The following GALNT13 variants were observed in gnomAD, a reference collection of about 807,000 sequenced individuals.
The protein encoded by GALNT13 is polypeptide N-acetylgalactosaminyltransferase 13.
A neutral mutation model predicts 64.2 loss-of-function variants in GALNT13; 28 were observed. The ratio of observed to expected loss-of-function variants is 0.44; its 90% CI spans 0.32 to 0.60. The LOEUF (loss-of-function observed/expected upper bound fraction) is 0.60, where lower values mean the gene tolerates loss of function less well. Ranked by LOEUF, GALNT13 falls within the 20% of genes least tolerant of loss-of-function variation. The pLI is 0.05. For missense variants in GALNT13, 577 were observed against 669.8 expected (o/e 0.86, Z 1.53); for synonymous variants, 214 against 224.6 (o/e 0.95, Z 0.42).
At chr2:153,243,408 C>A in the GALNT13 span, among the ~76,000 whole-genome samples, 2 of 152,028 alleles carry the variant, frequency 1.3e-5, no homozygotes, top group Non-Finnish European at 2.9e-5. Context: ...ATGCTGAAAG[C>A]AGTCAGACCT....
At chr2:153,431,780 T>C in the GALNT13 span, among the ~76,000 whole-genome samples, 1 of 152,194 alleles carries the variant, frequency 6.6e-6, no homozygotes, top group Non-Finnish European at 1.5e-5. Flanking sequence ...CTAATATATT[T>C]CACACAGAAT....
rs191533672 is a variant in GALNT13 at position 154,009,256 on chromosome 2, G to T, written c.142+64617G>T. Among the ~76,000 whole-genome samples, 580 of 150,576 alleles carry T rather than the reference G, an allele frequency of 3.9e-3. 1 individual carries two copies. The highest frequency in any genetic ancestry group is 0.014 in the African/African-American group (555 of 40,890). On this transcript the variant is annotated intron_variant, in intron 3 of 12. Transcript: ENST00000392825. ...GTTCTCTATCCTGTTGCATTGGTCT[G>T]TGTGTCTGTTTTGTTCCAGTACCAT...
chr2:153,388,172 C>T, the GALNT13 span, among the ~76,000 whole-genome samples: 2 of 152,054 alleles, frequency 1.3e-5, no homozygotes, highest in African/African-American at 4.8e-5. Context: ...TCATTTTCCA[C>T]ACCTGTAAAG....
chr2:153,394,838 T>C, the GALNT13 span, among the ~76,000 whole-genome samples: 8 of 152,162 alleles, frequency 5.3e-5, no homozygotes, highest in African/African-American at 1.7e-4. Context: ...ACACATTCCA[T>C]GGGTCAGGAT....
the GALNT13 span, among the ~76,000 whole-genome samples, chr2:153,569,100 GT>G: frequency 1.3e-5 from 2 of 151,970 alleles, no homozygotes; most frequent in Admixed American, 1.3e-4. Context: ...GAAAACATAG[GT>G]TTTTTTGGGG....
the GALNT13 span, among the ~76,000 whole-genome samples, chr2:153,436,803 G>A: frequency 2.0e-5 from 3 of 151,998 alleles, no homozygotes; most frequent in African/African-American, 4.8e-5. Context: ...TTTTTTGAAC[G>A]GTTTTTCATG....
At chr2:153,442,918 G>C in the GALNT13 span, among the ~76,000 whole-genome samples, 16 of 152,196 alleles carry the variant, frequency 1.1e-4, no homozygotes, top group Non-Finnish European at 2.2e-4. Flanking sequence ...GAGTGTCCCT[G>C]GTTGACTTCA....
At chr2:153,262,627 G>A in the GALNT13 span, among the ~76,000 whole-genome samples, 1 of 152,190 alleles carries the variant, frequency 6.6e-6, no homozygotes, top group East Asian at 1.9e-4. Flanking sequence ...TTCATCCCTG[G>A]AATGCAAAGC....
At chr2:153,731,680 A>G in the GALNT13 span, among the ~76,000 whole-genome samples, 1 of 152,010 alleles carries the variant, frequency 6.6e-6, no homozygotes, top group African/African-American at 2.4e-5. Flanking sequence ...TTAGATAAGT[A>G]TTAATTGTTA....
chr2:154,280,066 T>C (rs976783710), intron 8 of GALNT13, among the ~76,000 whole-genome samples: 4 of 152,130 alleles, frequency 2.6e-5, no homozygotes, highest in Non-Finnish European at 5.9e-5. Context: ...CTTTAAAAAA[T>C]AATGTCTTAG....
chr2:154,212,463 C>T (rs961995361), intron 4 of GALNT13, among the ~76,000 whole-genome samples: 3 of 152,000 alleles, frequency 2.0e-5, no homozygotes, highest in African/African-American at 4.8e-5. Flanking sequence ...AGGCTGGTCT[C>T]GAACTCCTGA....
chr2:153,082,612 TATATATAC>T, the GALNT13 span, among the ~76,000 whole-genome samples: 82 of 38,758 alleles, frequency 2.1e-3, no homozygotes, highest in Admixed American at 5.3e-3. Flanking sequence ...TATATATATA[TATATATAC>T]ACACACACAC....
chr2:154,352,496 A>AT (rs1293530957), intron 9 of GALNT13, among the ~76,000 whole-genome samples: 5 of 152,248 alleles, frequency 3.3e-5, no homozygotes, highest in African/African-American at 1.2e-4. Flanking sequence ...TAAGGCTCAC[A>AT]GCCAATGAGG....
intron 3 of GALNT13, among the ~76,000 whole-genome samples, chr2:154,133,099 C>T (rs780608678): frequency 3.3e-5 from 5 of 151,992 alleles, no homozygotes; most frequent in Non-Finnish European, 2.9e-5. Context: ...CTAAACTAAA[C>T]GGTGAAATTA....
At chr2:153,893,328 A>G (rs1177660369) in intron 1 of GALNT13, among the ~76,000 whole-genome samples, 2 of 152,082 alleles carry the variant, frequency 1.3e-5, no homozygotes, top group African/African-American at 4.8e-5. Flanking sequence ...TGCCTAACTT[A>G]TAGCTGTGTA....
chr2:153,210,316 T>C, the GALNT13 span, among the ~76,000 whole-genome samples: 1 of 152,188 alleles, frequency 6.6e-6, no homozygotes, highest in South Asian at 2.1e-4. Flanking sequence ...GTAGAGGAAA[T>C]TCCTTTTAGT....
the GALNT13 span, among the ~76,000 whole-genome samples, chr2:153,124,738 G>A: frequency 6.6e-6 from 1 of 152,122 alleles, no homozygotes; most frequent in Non-Finnish European, 1.5e-5. Context: ...TCTTGACCTC[G>A]TGATCTGCCC....
At chr2:154,378,800 A>G (rs1220484865) in intron 9 of GALNT13, among the ~76,000 whole-genome samples, 3 of 152,092 alleles carry the variant, frequency 2.0e-5, no homozygotes, top group Non-Finnish European at 4.4e-5. Flanking sequence ...CGTACCCCAT[A>G]AGTATTTACA....
At chr2:153,316,502 G>A in the GALNT13 span, among the ~76,000 whole-genome samples, 8 of 151,682 alleles carry the variant, frequency 5.3e-5, no homozygotes, top group Non-Finnish European at 1.0e-4. Context: ...TTAGCTGGGC[G>A]TGGTGGCGGG....
Sources: gnomAD v4.1 joint callset for allele counts (sites outside exome capture counted in the v4.1 genomes callset) on GRCh38, gnomAD v4.1.1 for gene constraint, MANE v1.5 for transcripts, NCBI Gene and HGNC (gene_info 2026-07-23, HGNC 2026-07-21) for gene names.